RBFOX1: variants seen among roughly 807,000 people sequenced by gnomAD.
The protein encoded by RBFOX1 is RNA binding fox-1 homolog 1.
RBFOX1 carries 8 observed loss-of-function variants against 57.7 expected under a neutral mutation model. That is an observed-to-expected ratio of 0.14 (90% CI 0.08 to 0.25). The LOEUF (loss-of-function observed/expected upper bound fraction) is 0.25, where lower values mean the gene tolerates loss of function less well. RBFOX1 is among the 10% of genes least tolerant of loss of function. The pLI is 1.00. For synonymous variants in RBFOX1, 326 were observed against 222.4 expected, an observed-to-expected ratio of 1.47 and a Z score of -4.15; for missense variants, 611 against 548.5, an observed-to-expected ratio of 1.11 and a Z score of -1.14.
At chr16:6,498,585 T>G (rs890671704) in intron 2 of RBFOX1, among the ~76,000 whole-genome samples, 1 of 152,108 alleles carries the variant, frequency 6.6e-6, no homozygotes, top group Non-Finnish European at 1.5e-5. Context: ...GGCTATAAAC[T>G]TCATGAAGAC....
intron 3 of RBFOX1, among the ~76,000 whole-genome samples, chr16:5,627,650 T>A (rs982583801): frequency 6.6e-6 from 1 of 152,158 alleles, no homozygotes; most frequent in East Asian, 1.9e-4. Context: ...GAAGTACAGT[T>A]GCCCCTCTGT....
intron 3 of RBFOX1, among the ~76,000 whole-genome samples, chr16:5,725,100 C>A (rs934064405): frequency 6.6e-6 from 1 of 152,112 alleles, no homozygotes; most frequent in Non-Finnish European, 1.5e-5. Flanking sequence ...ATCTTTGTCC[C>A]CAGTACTAAT....
chr16:5,810,996 A>G (rs995494372), intron 3 of RBFOX1, among the ~76,000 whole-genome samples: 2 of 152,062 alleles, frequency 1.3e-5, no homozygotes, highest in South Asian at 4.2e-4. Context: ...CCATCACTCC[A>G]ATGGGTTTGT....
intron 3 of RBFOX1, among the ~76,000 whole-genome samples, chr16:6,829,526 A>G (rs1412680279): frequency 6.6e-6 from 1 of 151,380 alleles, no homozygotes; most frequent in Non-Finnish European, 1.5e-5. Context: ...GGTACTTAGT[A>G]TGACAAAATA....
intron 3 of RBFOX1, among the ~76,000 whole-genome samples, chr16:5,805,606 G>C (rs1204304079): frequency 6.6e-6 from 1 of 152,190 alleles, no homozygotes; most frequent in East Asian, 1.9e-4. Flanking sequence ...AAACAGATAA[G>C]ATGCAGCACC....
intron 2 of RBFOX1, among the ~76,000 whole-genome samples, chr16:6,596,671 T>C (rs2097779580): frequency 6.8e-6 from 1 of 146,588 alleles, no homozygotes; most frequent in Admixed American, 6.6e-5. Flanking sequence ...ATATGTGACT[T>C]AGATAATCAT....
chr16:7,170,530 G>T (rs765634207), intron 4 of RBFOX1, among the ~76,000 whole-genome samples: 25 of 152,232 alleles, frequency 1.6e-4, no homozygotes, highest in Admixed American at 7.9e-4. Flanking sequence ...AGATGGGATT[G>T]CAAGTGCGAG....
chr16:5,615,622 T>C (rs1161562084), intron 3 of RBFOX1, among the ~76,000 whole-genome samples: 8 of 152,216 alleles, frequency 5.3e-5, no homozygotes, highest in African/African-American at 1.9e-4. Context: ...CTCAGTCTTG[T>C]CATCTGCAAA....
intron 2 of RBFOX1, among the ~76,000 whole-genome samples, chr16:6,600,374 A>G (rs1301342321): frequency 3.3e-5 from 5 of 152,070 alleles, no homozygotes; most frequent in Non-Finnish European, 5.9e-5. Context: ...GCAGTCTGTC[A>G]CATGTTCCGT....
intron 2 of RBFOX1, among the ~76,000 whole-genome samples, chr16:6,571,396 A>G (rs2097342729): frequency 6.6e-6 from 1 of 152,198 alleles, no homozygotes; most frequent in Non-Finnish European, 1.5e-5. Flanking sequence ...TCAGGAATCA[A>G]TATCAGGTGA....
chr16:5,713,620 A>T (rs541278467), intron 3 of RBFOX1, among the ~76,000 whole-genome samples: 3 of 152,306 alleles, frequency 2.0e-5, no homozygotes, highest in Non-Finnish European at 4.4e-5. Flanking sequence ...TTAAAAAAGT[A>T]CATTCTATAA....
intron 14 of RBFOX1, among the ~76,000 whole-genome samples, chr16:7,678,189 A>C (rs2073876866): frequency 6.6e-6 from 1 of 152,206 alleles, no homozygotes; most frequent in Non-Finnish European, 1.5e-5. Context: ...AGAGAAATCC[A>C]GACAATTGTC....
intron 3 of RBFOX1, among the ~76,000 whole-genome samples, chr16:6,980,589 A>G (rs7184414): frequency 0.059 from 9,037 of 152,274 alleles, 927 homozygotes; most frequent in African/African-American, 0.21. Context: ...CAGCTTTAAT[A>G]AAATGGAGGT....
In RBFOX1 at chr16:6,304,026, C is replaced by T. The variant is rs187156110; in HGVS notation, c.-126-12969C>T. Among the ~76,000 whole-genome samples the T allele has an allele frequency of 8.7e-3, 1,324 of 151,326 alleles. 25 individuals are homozygous for T. Among genetic ancestry groups the T allele is most frequent in the African/African-American group, 0.03 (1,238 of 41,264 alleles). On this transcript the variant is annotated intron_variant, in intron 1 of 15. Coordinates refer to ENST00000550418, the MANE Select transcript of RBFOX1 (RefSeq NM_018723.4). ...GGGGTTTCACCATGTTGATCAGGCT[C>T]GTCTTGAACTCCTGACCTCATGATC...
At chr16:6,588,385 G>A (rs1015475501) in intron 2 of RBFOX1, among the ~76,000 whole-genome samples, 1 of 152,018 alleles carries the variant, frequency 6.6e-6, no homozygotes. Flanking sequence ...GGGTGCGATG[G>A]CTCACGCCTG....
chr16:6,720,484 T>G (rs960447085), intron 3 of RBFOX1, among the ~76,000 whole-genome samples: 7 of 152,178 alleles, frequency 4.6e-5, no homozygotes, highest in Non-Finnish European at 7.3e-5. Context: ...ACGACCTATG[T>G]GTTCAAGAGG....
chr16:7,497,932 G>T (rs1215170032), intron 4 of RBFOX1, among the ~76,000 whole-genome samples: 1 of 152,208 alleles, frequency 6.6e-6, no homozygotes, highest in Non-Finnish European at 1.5e-5. Flanking sequence ...AAGCTGCCCA[G>T]TATAAATATT....
intron 1 of RBFOX1, among the ~76,000 whole-genome samples, chr16:6,184,726 A>ATT (rs67673371): frequency 7.2e-4 from 105 of 145,852 alleles, no homozygotes; most frequent in Middle Eastern, 3.6e-3. Context: ...TGCCTGGCTC[A>ATT]TTTTTTTTTT....
At chr16:6,652,704 CTAGAG>C (rs1471581198) in intron 2 of RBFOX1, among the ~76,000 whole-genome samples, 3 of 151,934 alleles carry the variant, frequency 2.0e-5, no homozygotes, top group Non-Finnish European at 4.4e-5. Flanking sequence ...TGAGAGGAGT[CTAGAG>C]TAGCAAAATC....
Sources: allele counts gnomAD v4.1 joint callset (sites outside exome capture counted in the v4.1 genomes callset), GRCh38; gene constraint gnomAD v4.1.1; transcripts MANE v1.5; gene names NCBI Gene and HGNC (gene_info 2026-07-23, HGNC 2026-07-21).